Variants in MROH1 observed in about 807,000 individuals in gnomAD.
The protein encoded by MROH1 is maestro heat like repeat family member 1, also known as maestro heat-like repeat-containing protein family member 1.
In MROH1, 117 loss-of-function variants were observed where a neutral mutation model predicts 116.5. That is an observed-to-expected ratio of 1.00 (90% CI 0.86 to 1.17). The LOEUF is 1.17. Ranked by LOEUF, MROH1 falls within the 50% of genes most tolerant of loss-of-function variation. The probability of loss-of-function intolerance (pLI) is 0.00; values close to 1 mark genes in which losing one functional copy is unlikely to be tolerated. For synonymous variants in MROH1, 921 were observed against 583.9 expected, an observed-to-expected ratio of 1.58 and a Z score of -8.32; for missense variants, 1,873 against 1,338.5, an observed-to-expected ratio of 1.40 and a Z score of -6.23.
In MROH1 at chr8:144,163,364, A is replaced by T. The variant is rs565248908; in HGVS notation, c.-56-407A>T. 1.3e-3 allele frequency among the ~76,000 whole-genome samples: 201 copies of T among 152,278 alleles called. No individual in the cohort carries two copies. Among genetic ancestry groups the T allele is most frequent in the African/African-American group, 4.6e-3 (192 of 41,546 alleles). On this transcript the variant is annotated intron_variant, in intron 2 of 43. Transcript: ENST00000326134. The surrounding 1 kb of genome is among the most constrained non-coding windows in gnomAD (Gnocchi z 4.4). The stretch of plus-strand genomic sequence containing the variant: ...CGCTTCCTGGACTCGATTCTTAGGG[A>T]CCATTGTTGCATGCAGTGGCGCATG...
chr8:144,185,476 CAGG>C (rs1826734035), intron 7 of MROH1, among the ~76,000 whole-genome samples: 1 of 148,434 alleles, frequency 6.7e-6, no homozygotes, highest in Non-Finnish European at 1.5e-5. Context: ...AAGTGGTAAA[CAGG>C]AGGTGAATAG....
At chr8:144,248,793 C>T (rs1353107910) in intron 31 of MROH1, 84 bp from the exon 32 acceptor site, 19 of 727,748 alleles carry the variant, frequency 2.6e-5, no homozygotes, top group Non-Finnish European at 4.3e-5. Context: ...CGCCCTAACG[C>T]GAGCCCCTGA....
At chr8:144,249,999 G>C (rs1842587042) in intron 32 of MROH1, among the ~76,000 whole-genome samples, 1 of 152,232 alleles carries the variant, frequency 6.6e-6, no homozygotes, top group Non-Finnish European at 1.5e-5. Flanking sequence ...TGGCCACTTT[G>C]CACGCAGAAT....
intron 14 of MROH1, among the ~76,000 whole-genome samples, chr8:144,232,299 C>T (rs1839049428): frequency 6.6e-6 from 1 of 151,992 alleles, no homozygotes; most frequent in Non-Finnish European, 1.5e-5. Context: ...TTCATTGATG[C>T]CCTTTATGAG....
intron 14 of MROH1, among the ~76,000 whole-genome samples, chr8:144,232,580 G>A (rs1406881749): frequency 1.3e-5 from 2 of 151,618 alleles, no homozygotes; most frequent in Non-Finnish European, 2.9e-5. Context: ...GGCAACCTCC[G>A]CCTCCCGGGT....
intron 31 of MROH1, among the ~76,000 whole-genome samples, chr8:144,248,285 TA>T (rs1262076044): frequency 2.0e-5 from 3 of 152,102 alleles, no homozygotes; most frequent in African/African-American, 7.2e-5. Context: ...TGAGTATTAT[TA>T]AAGTATTGCA....
rs1279948940 is a variant in MROH1 at position 144,234,883 on chromosome 8, T to TTTTC, written c.1339-3865_1339-3862dup. On this transcript the variant is annotated intron_variant, in intron 14 of 43. Coordinates refer to ENST00000326134, the MANE Select transcript of MROH1 (RefSeq NM_032450.3). ...TACTGTATAGAAAAACAATTATCCTTTTTCTTTCTTTTTTTTTTTTTTTTT... is the reference window on the plus strand; with the variant it reads ...TACTGTATAGAAAAACAATTATCCTTTTTCTTTCTTTCTTTTTTTTTTTTTTTTT... Among the ~76,000 whole-genome samples the TTTTC allele has an allele frequency of 2.2e-3, 281 of 128,086 alleles. 5 individuals are homozygous for TTTTC. Among genetic ancestry groups the TTTTC allele is most frequent in the African/African-American group, 8.1e-3 (272 of 33,610 alleles). The allele number at this position is 128,086 out of a possible 152,430, so 84.0% of individuals were successfully genotyped here.
At chr8:144,260,116 G>C (rs987100347) in intron 38 of MROH1, 59 bp downstream of exon 38, 5 of 748,944 alleles carry the variant, frequency 6.7e-6, no homozygotes, top group Middle Eastern at 2.4e-4. Context: ...GCTGTGCATG[G>C]AGGCCACCCT....
In MROH1 at chr8:144,240,087, G is replaced by A. The variant is rs1025353141; in HGVS notation, c.1775-14G>A. ...CGTTTTGGGATGGGCTGGCCTGCGC[G>A]GCTGTCGTTTCAGAGCACACAGAAG... On this transcript the variant is annotated splice_polypyrimidine_tract_variant and intron_variant, in intron 18 of 43. Coordinates refer to ENST00000326134, the MANE Select transcript of MROH1 (RefSeq NM_032450.3). The A allele has an allele frequency of 1.4e-5, 11 of 775,394 alleles. No individual in the cohort carries two copies. The highest frequency in any genetic ancestry group is 6.9e-5 in the Admixed American group (4 of 58,186). 48.0% of individuals were successfully genotyped at this position (775,394 alleles called of 1,614,324 possible).
At chr8:144,229,927 G>C (rs933187504) in intron 14 of MROH1, among the ~76,000 whole-genome samples, 1 of 151,816 alleles carries the variant, frequency 6.6e-6, no homozygotes, top group Non-Finnish European at 1.5e-5. Context: ...CCAGCTACTC[G>C]GGAAGCTGAG....
chr8:144,254,588 A>G, intron 33 of MROH1: 1 of 560,870 alleles, frequency 1.8e-6, no homozygotes, highest in East Asian at 3.0e-5. Flanking sequence ...ATAGGCCCAG[A>G]TTTTTCTCTG....
intron 8 of MROH1, 68 bp downstream of exon 8, chr8:144,191,003 G>A (rs1164719476): frequency 1.7e-5 from 25 of 1,514,806 alleles, no homozygotes; most frequent in African/African-American, 6.9e-5. Flanking sequence ...TTCCCTGCCC[G>A]TGGCAAATTG....
In MROH1 at chr8:144,206,073, A is replaced by G. The variant is rs370135581; in HGVS notation, c.1141+5532A>G. On this transcript the variant is annotated intron_variant, in intron 12 of 43. Coordinates refer to ENST00000326134, the MANE Select transcript of MROH1 (RefSeq NM_032450.3). ...GACCTCTTTTATGAGGTCACAGCGC[A>G]GGCTTGTGCTCTGTCGCCCAGGCTG... Among the ~76,000 whole-genome samples the G allele has an allele frequency of 1.1e-3, 165 of 152,330 alleles. 3 individuals are homozygous for G. The South Asian group carries it at 0.034, about 31-fold the overall frequency.
At chr8:144,190,047 TTCATTTCAGGC>T (rs1828165744) in intron 7 of MROH1, among the ~76,000 whole-genome samples, 1 of 152,194 alleles carries the variant, frequency 6.6e-6, no homozygotes, top group South Asian at 2.1e-4. Context: ...AGAGACAGAA[TTCATTTCAGGC>T]TCCCCAGCTT....
rs564910597 is a variant in MROH1 at position 144,174,155 on chromosome 8, G to C, written c.169-5300G>C. On this transcript the variant is annotated intron_variant, in intron 4 of 43. Coordinates refer to ENST00000326134, the MANE Select transcript of MROH1 (RefSeq NM_032450.3). Reference sequence around the variant, plus strand: ...ACTCAAAGGTGGGCGTGATGGTATAGAAAGCCAATTAGAAAAGGGTAGGTA... The same window carrying C: ...ACTCAAAGGTGGGCGTGATGGTATACAAAGCCAATTAGAAAAGGGTAGGTA... Among the ~76,000 whole-genome samples, 19 of 152,294 alleles carry C rather than the reference G, an allele frequency of 1.2e-4. No individual in the cohort carries two copies. The South Asian group carries it at 3.9e-3, about 32-fold the overall frequency.
intron 13 of MROH1, 126 bp from the exon 14 acceptor site, chr8:144,222,982 G>A (rs1837104748): frequency 1.7e-5 from 24 of 1,373,698 alleles, no homozygotes; most frequent in Non-Finnish European, 2.2e-5. Context: ...AGGTGTCAGT[G>A]TAACTGCAGT....
At chr8:144,209,453 G>A (rs1470102310) in intron 12 of MROH1, among the ~76,000 whole-genome samples, 3 of 151,712 alleles carry the variant, frequency 2.0e-5, no homozygotes, top group South Asian at 2.1e-4. Context: ...GGTGGCGGGC[G>A]CCTGTAGTTC....
intron 12 of MROH1, among the ~76,000 whole-genome samples, chr8:144,204,663 T>C (rs554589029): frequency 6.6e-6 from 1 of 152,326 alleles, no homozygotes; most frequent in African/African-American, 2.4e-5. Flanking sequence ...ATGGTGTAAA[T>C]AATTTTGTAT....
At chr8:144,175,899 A>G (rs1823777289) in intron 4 of MROH1, among the ~76,000 whole-genome samples, 1 of 152,138 alleles carries the variant, frequency 6.6e-6, no homozygotes, top group East Asian at 1.9e-4. Context: ...AAATACAAAA[A>G]TTATCCAGGC....
Sources: allele counts gnomAD v4.1 joint callset (sites outside exome capture counted in the v4.1 genomes callset), GRCh38; gene constraint gnomAD v4.1.1; non-coding constraint Gnocchi (gnomAD v3.1); transcripts MANE v1.5; gene names NCBI Gene and HGNC (gene_info 2026-07-23, HGNC 2026-07-21).